Variants in LONP2 observed in about 807,000 individuals in gnomAD.
LONP2 encodes lon protease homolog 2, peroxisomal.
LONP2 carries 60 observed loss-of-function variants against 85.6 expected under a neutral mutation model. The observed-to-expected ratio is 0.70, with a 90% confidence interval of 0.57 to 0.87. The LOEUF (loss-of-function observed/expected upper bound fraction) is 0.87, where lower values mean the gene tolerates loss of function less well. LONP2 is among the 40% of genes least tolerant of loss of function. The probability of loss-of-function intolerance (pLI) is 0.00; values close to 1 mark genes in which losing one functional copy is unlikely to be tolerated. For missense variants in LONP2, 860 were observed against 1,063.5 expected (o/e 0.81, Z 2.66); for synonymous variants, 395 against 389.7 (o/e 1.01, Z -0.16).
intron 8 of LONP2, among the ~76,000 whole-genome samples, chr16:48,294,148 C>G (rs1017940756): frequency 6.6e-6 from 1 of 152,060 alleles, no homozygotes; most frequent in African/African-American, 2.4e-5. Flanking sequence ...ACCATGTTGG[C>G]TAGGCTGGTC....
At position 48,352,294 on chromosome 16, in the gene LONP2, CAATT is replaced by C. The variant is rs1387011179; in HGVS notation, c.*494_*497del. 1 of 157,040 alleles carries C rather than the reference CAATT, an allele frequency of 6.4e-6. No individual in the cohort carries two copies. The highest frequency in any genetic ancestry group is 1.4e-5 in the Non-Finnish European group (1 of 70,838). The allele number at this position is 157,040 out of a possible 1,614,324, so 9.7% of individuals were successfully genotyped here. On this transcript the variant is annotated 3_prime_UTR_variant, in exon 15 of 15. Transcript: ENST00000285737. ...GAGTTTATTGGATCCTGAAACCAAT[CAATT>C]ACTTAGAACTAGGCAAAGATGAAAG...
chr16:48,264,991 A>G (rs1971961051), intron 6 of LONP2, among the ~76,000 whole-genome samples: 1 of 152,104 alleles, frequency 6.6e-6, no homozygotes, highest in South Asian at 2.1e-4. Flanking sequence ...TGGCCATCCT[A>G]ACAGGCATAA....
intron 10 of LONP2, among the ~76,000 whole-genome samples, chr16:48,301,336 T>TTTTA (rs941244527): frequency 1.1e-3 from 172 of 152,230 alleles, no homozygotes; most frequent in African/African-American, 3.9e-3. Flanking sequence ...AAGATATTCT[T>TTTTA]TTTATTTATT....
chr16:48,258,637 T>A lies in LONP2; in HGVS notation c.620T>A (p.Leu207Gln). The stretch of plus-strand genomic sequence containing the variant: ...CCTTAGATTTTAGATGCTGTGAGCC[T>A]AGAGGAGCGGTTCAAGATGACTATA... ...EKLQILDAVSLEERFKMTIPL... is the reference protein window; with the variant it reads ...EKLQILDAVSQEERFKMTIPL... Residue 207 changes from leucine to glutamine, a missense_variant, in exon 4 of 15, where the codon CTA (leucine) becomes CAA (glutamine). Transcript: ENST00000285737. The A allele has an allele frequency of 6.2e-7, 1 of 1,604,504 alleles. No homozygotes were observed. Among genetic ancestry groups the A allele is most frequent in the Non-Finnish European group, 8.5e-7 (1 of 1,176,286 alleles).
chr16:48,281,713 T>C (rs1972331913), intron 8 of LONP2, among the ~76,000 whole-genome samples: 1 of 152,180 alleles, frequency 6.6e-6, no homozygotes, highest in African/African-American at 2.4e-5. Context: ...GAAAAACATA[T>C]ATTCCCCAAA....
rs114560613 is a variant in LONP2 at position 48,362,790 on chromosome 16, G to A, written c.*927G>A. On this transcript the variant is annotated 3_prime_UTR_variant, in exon 5 of 5. Transcript: ENST00000565867. The surrounding 1 kb of genome is among the most constrained non-coding windows in gnomAD (Gnocchi z 4.2). The stretch of plus-strand genomic sequence containing the variant: ...AAGTTTAATCGAATCCGTTTTGCTA[G>A]GACTCTCCCTGAGGCTCCCTTACTC... 6 of 217,680 alleles carry A rather than the reference G, an allele frequency of 2.8e-5. No homozygotes were observed. The highest frequency in any genetic ancestry group is 1.1e-4 in the Admixed American group (2 of 18,548). The allele number at this position is 217,680 out of a possible 1,614,324, so 13.5% of individuals were successfully genotyped here.
rs1050656739 is a variant in LONP2 at position 48,362,679 on chromosome 16, A to G, written c.*816A>G. ...CCGGAAAACATGTGGAACTCCCTTA[A>G]TCGTCTTTGGATAGACTACATAGAA... On this transcript the variant is annotated 3_prime_UTR_variant, in exon 5 of 5. Transcript: ENST00000565867. This position sits in a 1 kb window ranked among gnomAD's most constrained non-coding sequence, Gnocchi z 4.2. The G allele has an allele frequency of 2.2e-6, 1 of 452,284 alleles. No homozygotes were observed. Among genetic ancestry groups the G allele is most frequent in the African/African-American group, 2.0e-5 (1 of 49,864 alleles). 28.0% of individuals were successfully genotyped at this position (452,284 alleles called of 1,614,324 possible).
At chr16:48,279,865 G>GT (rs1298251900) in intron 8 of LONP2, among the ~76,000 whole-genome samples, 5 of 151,778 alleles carry the variant, frequency 3.3e-5, no homozygotes, top group South Asian at 2.1e-4. Flanking sequence ...CGTGCTTCCT[G>GT]TTTTTTTTCT....
chr16:48,289,442 A>G (rs965107110), intron 8 of LONP2, among the ~76,000 whole-genome samples: 3 of 152,220 alleles, frequency 2.0e-5, no homozygotes, highest in African/African-American at 7.2e-5. Context: ...GTTTCTGATT[A>G]GCCTTTCCAA....
intron 11 of LONP2, among the ~76,000 whole-genome samples, chr16:48,323,269 C>T (rs1973303588): frequency 1.3e-5 from 2 of 152,158 alleles, no homozygotes; most frequent in African/African-American, 4.8e-5. Context: ...TTGCTTACAT[C>T]TCTAAATTCA....
intron 8 of LONP2, among the ~76,000 whole-genome samples, chr16:48,279,398 G>T (rs1972279521): frequency 6.6e-6 from 1 of 152,004 alleles, no homozygotes; most frequent in Non-Finnish European, 1.5e-5. Context: ...TCCTTCTTAG[G>T]ATGGTCAGAT....
intron 8 of LONP2, among the ~76,000 whole-genome samples, chr16:48,290,817 A>G (rs1294887342): frequency 6.6e-6 from 1 of 152,098 alleles, no homozygotes; most frequent in African/African-American, 2.4e-5. Context: ...ATTGGTGATC[A>G]ACTCAACTCT....
intron 11 of LONP2, among the ~76,000 whole-genome samples, chr16:48,304,839 G>C (rs991617026): frequency 2.6e-5 from 4 of 152,230 alleles, no homozygotes; most frequent in East Asian, 3.8e-4. Flanking sequence ...GTAGGGAATT[G>C]ACAATTTCTT....
intron 2 of LONP2, among the ~76,000 whole-genome samples, chr16:48,255,266 A>G (rs1971735007): frequency 6.6e-6 from 1 of 152,182 alleles, no homozygotes; most frequent in African/African-American, 2.4e-5. Context: ...AGATTCATCT[A>G]AAGACATGCT....
rs547401018 is a variant in LONP2, at chr16:48,327,895, T to A, written c.1796-6321T>A. ...TTCAGTCTTTGTATCTTTTTCTTTT[T>A]TTCTTATGCATATTTAATGTATGTG... On this transcript the variant is annotated intron_variant, in intron 11 of 14. Transcript: ENST00000285737. Among the ~76,000 whole-genome samples the A allele has an allele frequency of 3.9e-5, 6 of 152,350 alleles. No homozygotes were observed. In the East Asian group the frequency reaches 1.2e-3, roughly 29 times the overall value.
intron 11 of LONP2, among the ~76,000 whole-genome samples, chr16:48,325,443 C>T (rs777845183): frequency 6.6e-6 from 1 of 152,214 alleles, no homozygotes; most frequent in Non-Finnish European, 1.5e-5. Context: ...CTCTTGTAAC[C>T]ACTGTTCTAC....
intron 6 of LONP2, among the ~76,000 whole-genome samples, chr16:48,267,395 G>A (rs1195092123): frequency 2.6e-5 from 4 of 152,104 alleles, no homozygotes; most frequent in Non-Finnish European, 5.9e-5. Context: ...CGCCTCCTGG[G>A]TTCAAGCAAT....
rs1015031598 is a variant in LONP2 at position 48,355,935 on chromosome 16, A to G, written c.*4133A>G. On this transcript the variant is annotated 3_prime_UTR_variant, in exon 15 of 15. Coordinates refer to ENST00000285737, the MANE Select transcript of LONP2 (RefSeq NM_031490.5). The stretch of plus-strand genomic sequence containing the variant: ...GTTTTTAAAACTTCTCAAGTATTAA[A>G]ACTAAAAGCTTTAGGTGCTTTGCTT... The G allele has an allele frequency of 2.0e-5, 3 of 152,118 alleles. No homozygotes were observed. Among genetic ancestry groups the G allele is most frequent in the African/African-American group, 7.3e-5 (3 of 41,364 alleles). 9.4% of individuals were successfully genotyped at this position (152,118 alleles called of 1,614,324 possible).
At chr16:48,284,798 G>A (rs1187383254) in intron 8 of LONP2, among the ~76,000 whole-genome samples, 1 of 152,118 alleles carries the variant, frequency 6.6e-6, no homozygotes, top group Non-Finnish European at 1.5e-5. Context: ...GTATTGAGGA[G>A]GGGTTGCAAA....
Sources: allele counts gnomAD v4.1 joint callset (sites outside exome capture counted in the v4.1 genomes callset), GRCh38; gene constraint gnomAD v4.1.1; non-coding constraint Gnocchi (gnomAD v3.1); transcripts MANE v1.5; gene names NCBI Gene and HGNC (gene_info 2026-07-23, HGNC 2026-07-21).